Variants in SMURF1 observed in about 807,000 individuals in gnomAD.
SMURF1 encodes SMAD specific E3 ubiquitin protein ligase 1, also known as E3 ubiquitin-protein ligase SMURF1.
A neutral mutation model predicts 98.0 loss-of-function variants in SMURF1; 44 were observed. The observed-to-expected ratio is 0.45, with a 90% CI of 0.35 to 0.58. The LOEUF (loss-of-function observed/expected upper bound fraction) is 0.58. Ranked by LOEUF, SMURF1 falls within the 20% of genes least tolerant of loss-of-function variation. The pLI, the probability that SMURF1 is intolerant of heterozygous loss-of-function variation, is 0.00. For synonymous variants in SMURF1, 396 were observed against 374.9 expected, an observed-to-expected ratio of 1.06 and a Z score of -0.65; for missense variants, 687 against 938.4, an observed-to-expected ratio of 0.73 and a Z score of 3.50.
chr7:99,085,371 A>T (rs1358814730), intron 1 of SMURF1, among the ~76,000 whole-genome samples: 1 of 149,608 alleles, frequency 6.7e-6, no homozygotes, highest in African/African-American at 2.4e-5. Context: ...AAAAAAAAAA[A>T]GAAAAGAAAA....
At chr7:99,051,552 CCT>C (rs1212884090) in intron 7 of SMURF1, 111 bp from the exon 8 acceptor site, 3 of 809,084 alleles carry the variant, frequency 3.7e-6, no homozygotes, top group Non-Finnish European at 6.4e-6. Flanking sequence ...ATAACACTCC[CCT>C]CTTATCCCAG....
rs1021582825 is a variant in SMURF1 at position 99,079,020 on chromosome 7, G to A, written c.56-17183C>T. Reference sequence around the variant, plus strand: ...ACTGCCCTAAAAGATGGAAAGCAAAGGAGCAGAGGGAAATCTTCGCTATTG... The same window carrying A: ...ACTGCCCTAAAAGATGGAAAGCAAAAGAGCAGAGGGAAATCTTCGCTATTG... On this transcript the variant is annotated intron_variant, in intron 1 of 17. Transcript: ENST00000361368. 4.6e-5 allele frequency among the ~76,000 whole-genome samples: 7 copies of A among 152,202 alleles called. No individual in the cohort carries two copies. In the East Asian group the frequency reaches 1.2e-3, roughly 25 times the overall value.
At chr7:99,065,599 C>G (rs1056929669) in intron 1 of SMURF1, among the ~76,000 whole-genome samples, 2 of 152,202 alleles carry the variant, frequency 1.3e-5, no homozygotes, top group African/African-American at 2.4e-5. Flanking sequence ...GTTCTGTTTG[C>G]TTCAGTTTTC....
intron 9 of SMURF1, 133 bp from the exon 10 acceptor site, chr7:99,048,015 C>A (rs972426056): frequency 2.5e-6 from 2 of 801,764 alleles, no homozygotes; most frequent in Non-Finnish European, 4.1e-6. Context: ...TCCCTGATGA[C>A]GTAACCAGGT....
chr7:99,041,062 G>T (rs1213444033), intron 12 of SMURF1, among the ~76,000 whole-genome samples: 1 of 152,130 alleles, frequency 6.6e-6, no homozygotes, highest in African/African-American at 2.4e-5. Flanking sequence ...AATGCTAAGG[G>T]GGAGAAAAAG....
At chr7:99,074,778 C>T (rs1272775257) in intron 1 of SMURF1, among the ~76,000 whole-genome samples, 1 of 152,040 alleles carries the variant, frequency 6.6e-6, no homozygotes, top group African/African-American at 2.4e-5. Context: ...AACTGTAATC[C>T]CAACACTGGG....
intron 12 of SMURF1, among the ~76,000 whole-genome samples, chr7:99,040,763 T>C (rs1330923461): frequency 1.3e-5 from 2 of 152,200 alleles, no homozygotes; most frequent in Admixed American, 1.3e-4. Flanking sequence ...CAGCGTTTTG[T>C]ATGCTCTCAG....
At chr7:99,053,899 T>C (rs1314867277) in intron 6 of SMURF1, among the ~76,000 whole-genome samples, 1 of 152,184 alleles carries the variant, frequency 6.6e-6, no homozygotes, top group Non-Finnish European at 1.5e-5. Flanking sequence ...ATTTTTAATA[T>C]ATCTGATATG....
At chr7:99,125,668 G>A (rs1403310837) in intron 1 of SMURF1, among the ~76,000 whole-genome samples, 5 of 152,160 alleles carry the variant, frequency 3.3e-5, no homozygotes, top group Non-Finnish European at 5.9e-5. Flanking sequence ...CACTTTCCAC[G>A]GCTAGAAGGT....
At chr7:99,112,676 T>TA (rs1322914474) in intron 1 of SMURF1, among the ~76,000 whole-genome samples, 2 of 152,166 alleles carry the variant, frequency 1.3e-5, no homozygotes, top group Non-Finnish European at 2.9e-5. Context: ...TCACTGGACT[T>TA]ACTAGACAAA....
chr7:99,040,307 G>A lies in SMURF1; in HGVS notation c.1550+71C>T, dbSNP rs532763543. 275 of 1,297,458 alleles carry A rather than the reference G, an allele frequency of 2.1e-4. 5 individuals are homozygous for A. In the South Asian group the frequency reaches 3.8e-3, roughly 18 times the overall value. 80.4% of individuals were successfully genotyped at this position (1,297,458 alleles called of 1,614,324 possible). ...AATACACACACACGCGCGCGCGCGCGCACGCGCATACATACGATAGACGTG... is the reference window on the plus strand; with the variant it reads ...AATACACACACACGCGCGCGCGCGCACACGCGCATACATACGATAGACGTG... On this transcript the variant is annotated intron_variant, in intron 13 of 17. Coordinates refer to ENST00000361368, the MANE Select transcript of SMURF1 (RefSeq NM_181349.3).
At chr7:99,126,432 C>A (rs1427595564) in intron 1 of SMURF1, among the ~76,000 whole-genome samples, 3 of 150,044 alleles carry the variant, frequency 2.0e-5, no homozygotes, top group Non-Finnish European at 3.0e-5. Context: ...CTGAGGCAGG[C>A]GGATCACGAG....
chr7:99,070,675 A>T, intron 1 of SMURF1, among the ~76,000 whole-genome samples: 1 of 151,902 alleles, frequency 6.6e-6, no homozygotes, highest in Non-Finnish European at 1.5e-5. Flanking sequence ...TGTGTAGTTA[A>T]CCCACTAGAA....
intron 1 of SMURF1, among the ~76,000 whole-genome samples, chr7:99,116,247 A>AT (rs59749194): frequency 0.99 from 151,057 of 152,240 alleles, 74,951 homozygotes; most frequent in East Asian, 1. Context: ...TGATAAAAAT[A>AT]TCAACATCCT....
intron 1 of SMURF1, among the ~76,000 whole-genome samples, chr7:99,063,058 GAAT>G (rs1436448194): frequency 2.0e-5 from 3 of 151,076 alleles, no homozygotes; most frequent in Non-Finnish European, 4.4e-5. Flanking sequence ...TCAATTTTAA[GAAT>G]ATTATGTTTT....
rs1795728041 is a variant in SMURF1, at chr7:99,050,769, C to T, written c.806+588G>A. 8.0e-6 allele frequency: 5 copies of T among 623,824 alleles called. No homozygotes were observed. In the African/African-American group the frequency reaches 9.0e-5, roughly 11 times the overall value. 38.6% of individuals were successfully genotyped at this position (623,824 alleles called of 1,614,324 possible). A position where few individuals can be genotyped will look rare whatever the true frequency, so the allele number is the denominator to read the frequency against. ...TGGAAAATCAGACAGGAAGTTTATT[C>T]TCAGATGAAACAAATCATGAATAAA... On this transcript the variant is annotated intron_variant, in intron 8 of 17. Transcript: ENST00000361368.
At chr7:99,053,875 T>G (rs1009634409) in intron 6 of SMURF1, among the ~76,000 whole-genome samples, 4 of 152,210 alleles carry the variant, frequency 2.6e-5, no homozygotes, top group African/African-American at 9.7e-5. Flanking sequence ...CCCCCCGTCA[T>G]TATGAACCCA....
chr7:99,141,193 G>A (rs772193433), intron 1 of SMURF1, among the ~76,000 whole-genome samples: 1 of 152,214 alleles, frequency 6.6e-6, no homozygotes, highest in Non-Finnish European at 1.5e-5. Flanking sequence ...TTCTTGCTTC[G>A]ATAATCTAAA....
intron 1 of SMURF1, among the ~76,000 whole-genome samples, chr7:99,065,769 T>C (rs1399929683): frequency 3.3e-5 from 5 of 151,878 alleles, no homozygotes; most frequent in Non-Finnish European, 7.4e-5. Context: ...CAAGCGAGGC[T>C]GGGCGCGGTG....
Sources: gnomAD v4.1 joint callset for allele counts (sites outside exome capture counted in the v4.1 genomes callset) on GRCh38, gnomAD v4.1.1 for gene constraint, MANE v1.5 for transcripts, NCBI Gene and HGNC (gene_info 2026-07-23, HGNC 2026-07-21) for gene names.